Variants in ELAVL1 observed in about 807,000 individuals in gnomAD.
ELAVL1 encodes ELAV like RNA binding protein 1, also known as ELAV-like protein 1.
In ELAVL1, 1 loss-of-function variant was observed where a neutral mutation model predicts 28.4. That is an observed-to-expected ratio of 0.04 (90% CI 0.01 to 0.17). ELAVL1 has a LOEUF of 0.17. Ranked by LOEUF, ELAVL1 falls within the 10% of genes least tolerant of loss-of-function variation. ELAVL1 has a pLI of 1.00. For synonymous variants in ELAVL1, 174 were observed against 183.5 expected (o/e 0.95, Z 0.42); for missense variants, 157 against 447.2 (o/e 0.35, Z 5.85).
At chr19:7,991,546 C>T (rs963133609) in intron 2 of ELAVL1, 98 bp downstream of exon 2, 5 of 1,248,536 alleles carry the variant, frequency 4.0e-6, no homozygotes, top group Admixed American at 4.4e-5. Context: ...CTGTAGTTAT[C>T]CTGCACTGAG....
chr19:7,986,849 C>T (rs1210064578), intron 2 of ELAVL1, among the ~76,000 whole-genome samples: 4 of 152,150 alleles, frequency 2.6e-5, no homozygotes, highest in African/African-American at 9.7e-5. Flanking sequence ...TGTAGAAGTA[C>T]GTGGCTGCTT....
At chr19:7,993,613 G>A (rs1985808118) in intron 1 of ELAVL1, among the ~76,000 whole-genome samples, 1 of 152,126 alleles carries the variant, frequency 6.6e-6, no homozygotes, top group African/African-American at 2.4e-5. Flanking sequence ...TGCCGAGCCC[G>A]CCCTGCTGAA....
Position 7,962,651 on chromosome 19 carries a change from A to T in ELAVL1, c.*832T>A, listed in dbSNP as rs1364483388. On this transcript the variant is annotated 3_prime_UTR_variant, in exon 6 of 6. Transcript: ENST00000407627. The stretch of plus-strand genomic sequence containing the variant: ...TATGTTAAATGCTCTGGAAAACGGG[A>T]GAAATTATCGTGAACAACAGTATCC... The T allele has an allele frequency of 6.6e-6, 1 of 152,642 alleles. No individual in the cohort carries two copies. The highest frequency in any genetic ancestry group is 1.9e-4 in the East Asian group (1 of 5,202). 9.5% of individuals were successfully genotyped at this position (152,642 alleles called of 1,614,324 possible). A position where few individuals can be genotyped will look rare whatever the true frequency, so the allele number is the denominator to read the frequency against.
chr19:8,001,987 C>G, intron 1 of ELAVL1: 1 of 1,237,568 alleles, frequency 8.1e-7, no homozygotes, highest in Non-Finnish European at 1.1e-6. Context: ...CTCCTTGTCT[C>G]CCCCCAGCCT....
intron 1 of ELAVL1, among the ~76,000 whole-genome samples, chr19:7,996,870 T>C (rs2081051132): frequency 6.6e-6 from 1 of 151,886 alleles, no homozygotes; most frequent in Admixed American, 6.6e-5. Flanking sequence ...GGCAAAAGAT[T>C]TGAACAGATA....
rs1314227353 is a variant in ELAVL1 at position 7,982,361 on chromosome 19, G to C, written c.173-1175C>G. Among the ~76,000 whole-genome samples the C allele has an allele frequency of 1.3e-5, 2 of 152,282 alleles. No homozygotes were observed. Among genetic ancestry groups the C allele is most frequent in the East Asian group, 1.9e-4 (1 of 5,168 alleles). ...CACTGCTCCATTCCCCCAGCCGGCA[G>C]AGCGCGACAACGAGCAGGTCACCGA... On this transcript the variant is annotated intron_variant, in intron 2 of 5. Transcript: ENST00000407627. This position sits in a 1 kb window ranked among gnomAD's most constrained non-coding sequence, Gnocchi z 4.3.
chr19:7,977,132 G>A (rs1985320018), intron 3 of ELAVL1, among the ~76,000 whole-genome samples: 2 of 152,196 alleles, frequency 1.3e-5, no homozygotes, highest in Admixed American at 6.5e-5. Context: ...AGTGGAGTGC[G>A]CAGTAGCCAC....
At chr19:7,968,033 A>G (rs1440053282) in intron 4 of ELAVL1, among the ~76,000 whole-genome samples, 1 of 152,212 alleles carries the variant, frequency 6.6e-6, no homozygotes, top group Admixed American at 6.5e-5. Flanking sequence ...GTTGGCGCCC[A>G]AAGATATTTT....
intron 4 of ELAVL1, among the ~76,000 whole-genome samples, chr19:7,969,542 G>A (rs1985046724): frequency 6.6e-6 from 1 of 152,206 alleles, no homozygotes; most frequent in Non-Finnish European, 1.5e-5. Flanking sequence ...CTGAGCTGCT[G>A]CTCAGAAGGA....
intron 1 of ELAVL1, chr19:8,002,069 A>C (rs2081069878): frequency 3.9e-6 from 5 of 1,289,304 alleles, no homozygotes; most frequent in Non-Finnish European, 5.1e-6. Context: ...GTAACAGCCA[A>C]GCCCTCTGCC....
At chr19:7,992,356 A>G (rs899592035) in intron 1 of ELAVL1, among the ~76,000 whole-genome samples, 3 of 152,236 alleles carry the variant, frequency 2.0e-5, no homozygotes, top group African/African-American at 7.2e-5. Context: ...AGCAACCAGG[A>G]TCTCCTCCAA....
chr19:7,996,164 C>T (rs917950292), intron 1 of ELAVL1, among the ~76,000 whole-genome samples: 4 of 151,802 alleles, frequency 2.6e-5, no homozygotes, highest in East Asian at 1.9e-4. Context: ...GCGTAAGCCA[C>T]CTCACCCAAC....
intron 4 of ELAVL1, among the ~76,000 whole-genome samples, chr19:7,972,715 C>G (rs1438280919): frequency 6.6e-6 from 1 of 151,148 alleles, no homozygotes; most frequent in Admixed American, 6.6e-5. Flanking sequence ...CAGCTGTGAA[C>G]TCCTGGGCTC....
chr19:7,968,258 T>C (rs935167517), intron 4 of ELAVL1, among the ~76,000 whole-genome samples: 1 of 152,200 alleles, frequency 6.6e-6, no homozygotes, highest in Non-Finnish European at 1.5e-5. Context: ...GGCTGCTGTC[T>C]CTGGGCCCGC....
intron 1 of ELAVL1, among the ~76,000 whole-genome samples, chr19:8,001,103 G>A (rs2145230958): frequency 6.6e-6 from 1 of 152,302 alleles, no homozygotes; most frequent in East Asian, 1.9e-4. Flanking sequence ...CACTGGGGAT[G>A]TCACCCCTTG....
At chr19:7,991,578 A>C (rs527445597) in intron 2 of ELAVL1, 66 bp downstream of exon 2, 131 of 1,518,272 alleles carry the variant, frequency 8.6e-5, no homozygotes, top group Admixed American at 2.2e-4. Flanking sequence ...AGTCACAGGC[A>C]AAGGAGACAG....
At chr19:7,975,889 G>A (rs1014515953) in intron 3 of ELAVL1, among the ~76,000 whole-genome samples, 4 of 152,056 alleles carry the variant, frequency 2.6e-5, no homozygotes, top group Non-Finnish European at 5.9e-5. Flanking sequence ...AGGATCGCTT[G>A]AACCCAAGAG....
intron 1 of ELAVL1, among the ~76,000 whole-genome samples, chr19:8,002,695 C>T (rs898118761): frequency 6.6e-6 from 1 of 152,194 alleles, no homozygotes. Flanking sequence ...GGCAGTCAGA[C>T]GAGGCTTCAA....
rs770421779 is a variant in ELAVL1, at chr19:7,960,723, C to T, written c.*2760G>A. On this transcript the variant is annotated 3_prime_UTR_variant, in exon 6 of 6. Coordinates refer to ENST00000407627, the MANE Select transcript of ELAVL1 (RefSeq NM_001419.3). ...TTATCTACTCTGAACGCTTTTTCAT[C>T]GAAATTCCCAAATAAAAGCAGAGCA... is the stretch of plus-strand genomic sequence containing the variant. The T allele has an allele frequency of 6.6e-6, 1 of 152,538 alleles. No individual in the cohort carries two copies. The allele number at this position is 152,538 out of a possible 1,614,324, so 9.4% of individuals were successfully genotyped here. A position where few individuals can be genotyped will look rare whatever the true frequency, so the allele number is the denominator to read the frequency against.
Sources: gnomAD v4.1 joint callset for allele counts (sites outside exome capture counted in the v4.1 genomes callset) on GRCh38, gnomAD v4.1.1 for gene constraint, Gnocchi (gnomAD v3.1) non-coding constraint, MANE v1.5 for transcripts, NCBI Gene and HGNC (gene_info 2026-07-23, HGNC 2026-07-21) for gene names.